The following DYNC1H1 variants were observed in gnomAD, a reference collection of about 807,000 sequenced individuals.
DYNC1H1 encodes the protein dynein cytoplasmic 1 heavy chain 1.
DYNC1H1 carries 51 observed loss-of-function variants against 527.1 expected under a neutral mutation model. The ratio of observed to expected loss-of-function variants is 0.10; its 90% CI spans 0.08 to 0.12. The LOEUF is 0.12. Ranked by LOEUF, DYNC1H1 falls within the 10% of genes least tolerant of loss-of-function variation. DYNC1H1 has a pLI of 1.00. For synonymous variants in DYNC1H1, 2,189 were observed against 2,278.8 expected (o/e 0.96, Z 1.12); for missense variants, 2,771 against 5,971.8 (o/e 0.46, Z 17.66).
At chr14:101,978,093 C>T (rs1299892428) in intron 2 of DYNC1H1, among the ~76,000 whole-genome samples, 3 of 152,186 alleles carry the variant, frequency 2.0e-5, no homozygotes, top group Non-Finnish European at 2.9e-5. Context: ...CTCGCTCTGT[C>T]GCCCAGTCTG....
chr14:102,045,645 T>C (rs1006499651), intron 72 of DYNC1H1, among the ~76,000 whole-genome samples: 1 of 152,116 alleles, frequency 6.6e-6, no homozygotes, highest in Non-Finnish European at 1.5e-5. Flanking sequence ...TCTTTTTTTT[T>C]TCTTCAAGAG....
chr14:102,004,979 G>A (rs1426330181), intron 25 of DYNC1H1, 29 bp downstream of exon 25: 15 of 1,614,180 alleles, frequency 9.3e-6, no homozygotes, highest in Middle Eastern at 1.6e-4. Context: ...GAGTGGGCTC[G>A]TGGTGAAAAC....
intron 23 of DYNC1H1, among the ~76,000 whole-genome samples, chr14:102,003,969 C>T (rs984130850): frequency 1.8e-4 from 26 of 144,930 alleles, no homozygotes; most frequent in Admixed American, 4.1e-4. Flanking sequence ...TGGCCCGGCG[C>T]GGTGGCTCAC....
chr14:101,993,431 A>G (rs570862434), intron 11 of DYNC1H1, among the ~76,000 whole-genome samples: 1 of 152,272 alleles, frequency 6.6e-6, no homozygotes, highest in East Asian at 1.9e-4. Flanking sequence ...TCATCATGAA[A>G]GTCAAAGCCC....
In DYNC1H1 at chr14:101,978,814, T is replaced by G. The variant is rs1200100219; in HGVS notation, c.345-505T>G. Among the ~76,000 whole-genome samples, 5 of 152,300 alleles carry G rather than the reference T, an allele frequency of 3.3e-5. No individual in the cohort carries two copies. The East Asian group carries it at 9.6e-4, about 29-fold the overall frequency. On this transcript the variant is annotated intron_variant, in intron 2 of 77. Transcript: ENST00000360184. ...TAGAATTTCAGCAGATCAATATAGATTTCTTAAGCAAAGGCACAAAGCACG... is the reference window on the plus strand; with the variant it reads ...TAGAATTTCAGCAGATCAATATAGAGTTCTTAAGCAAAGGCACAAAGCACG...
At chr14:102,003,452 G>A (rs1238495309) in intron 23 of DYNC1H1, among the ~76,000 whole-genome samples, 1 of 151,818 alleles carries the variant, frequency 6.6e-6, no homozygotes, top group Non-Finnish European at 1.5e-5. Context: ...AGTAGAGATG[G>A]GTTTTCGCCA....
At position 102,049,311 on chromosome 14, in the gene DYNC1H1, A is replaced by G; in HGVS notation, c.13373-129A>G. The G allele has an allele frequency of 7.4e-7, 1 of 1,353,492 alleles. No individual in the cohort carries two copies. The highest frequency in any genetic ancestry group is 1.9e-5 in the Admixed American group (1 of 52,724). The allele number at this position is 1,353,492 out of a possible 1,614,324, so 83.8% of individuals were successfully genotyped here. ...CAGGGGCATAAAGTGCAGCCTGGGA[A>G]AGGCAGTAGGTGGAGCCGCCAGCCG... is the stretch of plus-strand genomic sequence containing the variant. On this transcript the variant is annotated intron_variant, in intron 74 of 77. Coordinates refer to ENST00000360184, the MANE Select transcript of DYNC1H1 (RefSeq NM_001376.5). The surrounding 1 kb of genome is among the most constrained non-coding windows in gnomAD (Gnocchi z 5.5).
At chr14:102,021,459 A>G (rs2048382969) in intron 42 of DYNC1H1, among the ~76,000 whole-genome samples, 1 of 152,064 alleles carries the variant, frequency 6.6e-6, no homozygotes, top group Non-Finnish European at 1.5e-5. Context: ...TGTGCTTACA[A>G]ATTCAGATTG....
Position 102,050,437 on chromosome 14 carries a change from A to G in DYNC1H1, c.13815A>G (p.Val4605=). The G allele has an allele frequency of 6.2e-7, 1 of 1,614,192 alleles. No individual in the cohort carries two copies. The highest frequency in any genetic ancestry group is 8.5e-7 in the Non-Finnish European group (1 of 1,180,032). ...AGTAAACCCCTCTGCTTCTGCAGGTAACCTTACCTGTCTACCTGAACTTCA... is the reference window on the plus strand; with the variant it reads ...AGTAAACCCCTCTGCTTCTGCAGGTGACCTTACCTGTCTACCTGAACTTCA... ...QTNTEKKASV[V]TLPVYLNFTR... Residue 4605 remains valine, a splice_region_variant and synonymous_variant, in exon 78 of 78, where the codon GTA becomes GTG. Coordinates refer to ENST00000360184, the MANE Select transcript of DYNC1H1 (RefSeq NM_001376.5).
intron 16 of DYNC1H1, among the ~76,000 whole-genome samples, chr14:101,998,082 T>C (rs188578456): frequency 6.6e-6 from 1 of 152,240 alleles, no homozygotes; most frequent in Admixed American, 6.5e-5. Context: ...TATTTTTTGC[T>C]CCCTTTGTTA....
chr14:101,979,576 G>C lies in DYNC1H1; in HGVS notation c.518+84G>C. On this transcript the variant is annotated intron_variant, in intron 3 of 77. Transcript: ENST00000360184. This position sits in a 1 kb window ranked among gnomAD's most constrained non-coding sequence, Gnocchi z 4.6. The stretch of plus-strand genomic sequence containing the variant: ...TCGGTGTAAAACTTGGGAATTGGGA[G>C]GGTAACGCTAGTGAGCCGAGGGGAT... The C allele has an allele frequency of 6.2e-7, 1 of 1,607,382 alleles. No homozygotes were observed. Among genetic ancestry groups the C allele is most frequent in the Non-Finnish European group, 8.5e-7 (1 of 1,175,396 alleles).
In DYNC1H1 at chr14:102,033,715, A is replaced by C. The variant is rs2048536820; in HGVS notation, c.10413+231A>C. 3 of 691,044 alleles carry C rather than the reference A, an allele frequency of 4.3e-6. No individual in the cohort carries two copies. Among genetic ancestry groups the C allele is most frequent in the Non-Finnish European group, 4.9e-6 (2 of 405,866 alleles). The allele number at this position is 691,044 out of a possible 1,614,324, so 42.8% of individuals were successfully genotyped here. A position where few individuals can be genotyped will look rare whatever the true frequency, so the allele number is the denominator to read the frequency against. On this transcript the variant is annotated intron_variant, in intron 54 of 77. Transcript: ENST00000360184. The surrounding 1 kb of genome is among the most constrained non-coding windows in gnomAD (Gnocchi z 5.6). The stretch of plus-strand genomic sequence containing the variant: ...ACACTTTTCAGCCGTTGAATCCCCC[A>C]CCAGCAGCTCCAGACCTGTTTGCTC...
At position 102,018,132 on chromosome 14, in the gene DYNC1H1, T is replaced by C; in HGVS notation, c.8178-319T>C. On this transcript the variant is annotated intron_variant, in intron 40 of 77. Coordinates refer to ENST00000360184, the MANE Select transcript of DYNC1H1 (RefSeq NM_001376.5). The surrounding 1 kb of genome is among the most constrained non-coding windows in gnomAD (Gnocchi z 5.2). ...AAATAAATAAATAAATAAAATAAAATGAAATAAAAGCATTGATCTCTTGGT... is the reference window on the plus strand; with the variant it reads ...AAATAAATAAATAAATAAAATAAAACGAAATAAAAGCATTGATCTCTTGGT... 1 of 305,710 alleles carries C rather than the reference T, an allele frequency of 3.3e-6. No individual in the cohort carries two copies. Among genetic ancestry groups the C allele is most frequent in the Non-Finnish European group, 6.2e-6 (1 of 162,458 alleles). The allele number at this position is 305,710 out of a possible 1,614,324, so 18.9% of individuals were successfully genotyped here.
At position 102,006,148 on chromosome 14, in the gene DYNC1H1, C is replaced by T. The variant is rs1219103213; in HGVS notation, c.5694C>T (p.Ala1898=). 3.1e-6 allele frequency: 5 copies of T among 1,614,006 alleles called. No individual in the cohort carries two copies. Among genetic ancestry groups the T allele is most frequent in the Admixed American group, 3.3e-5 (2 of 60,028 alleles). The change falls in exon 27 of 78, where the codon GCC becomes GCT. Residue 1898 remains alanine (A), a synonymous_variant. Coordinates refer to ENST00000360184, the MANE Select transcript of DYNC1H1 (RefSeq NM_001376.5). ...TGACAATGACACAAGCCTTGGAGGC[C>T]AGGCTGGGGGGTTCCCCATTTGGTA... ...CYLTMTQALE[A]RLGGSPFGPA...
intron 7 of DYNC1H1, among the ~76,000 whole-genome samples, chr14:101,984,571 C>T (rs1399690172): frequency 1.4e-5 from 2 of 147,918 alleles, no homozygotes; most frequent in African/African-American, 5.0e-5. Flanking sequence ...TCTGCCTCAG[C>T]CTCCGAGTAG....
At chr14:102,046,189 C>T (rs1221102015) in intron 72 of DYNC1H1, among the ~76,000 whole-genome samples, 1 of 151,054 alleles carries the variant, frequency 6.6e-6, no homozygotes, top group Non-Finnish European at 1.5e-5. Context: ...AAAAGAAATG[C>T]GGGTTCCCAG....
At chr14:101,999,884 G>A (rs553763085) in intron 16 of DYNC1H1, 105 bp from the exon 17 acceptor site, 114 of 1,535,888 alleles carry the variant, frequency 7.4e-5, no homozygotes, top group Non-Finnish European at 9.3e-5. Flanking sequence ...CAAAGAATCC[G>A]AAACGTCCAG....
chr14:102,003,652 G>A (rs906282516), intron 23 of DYNC1H1, among the ~76,000 whole-genome samples: 22 of 152,146 alleles, frequency 1.4e-4, no homozygotes, highest in South Asian at 6.2e-4. Context: ...TTAATAGGCC[G>A]GGCGTGGTGG....
Position 101,995,169 on chromosome 14 carries a change from C to G in DYNC1H1, c.3445-12C>G. The G allele has an allele frequency of 2.5e-6, 4 of 1,614,266 alleles. No individual in the cohort carries two copies. Among genetic ancestry groups the G allele is most frequent in the Admixed American group, 1.7e-5 (1 of 60,032 alleles). ...CAGCTCTGTGATGAAATACTCCCCT[C>G]TCTCTGAACAGTCCCGCCAAGAGTT... On this transcript the variant is annotated splice_polypyrimidine_tract_variant and intron_variant, in intron 14 of 77. Transcript: ENST00000360184.
Sources: allele counts gnomAD v4.1 joint callset (sites outside exome capture counted in the v4.1 genomes callset), GRCh38; gene constraint gnomAD v4.1.1; non-coding constraint Gnocchi (gnomAD v3.1); transcripts MANE v1.5; gene names NCBI Gene and HGNC (gene_info 2026-07-23, HGNC 2026-07-21).